Variants in PRR16 observed in about 807,000 individuals in gnomAD.
PRR16 encodes proline rich 16, also known as protein Largen.
A neutral mutation model predicts 18.2 loss-of-function variants in PRR16; 6 were observed. That is an observed-to-expected ratio of 0.33 (90% CI 0.18 to 0.65). The LOEUF is 0.65. Ranked by LOEUF, PRR16 falls within the 30% of genes least tolerant of loss-of-function variation. The pLI, the probability that PRR16 is intolerant of heterozygous loss-of-function variation, is 0.74. For synonymous variants in PRR16, 151 were observed against 147.8 expected (o/e 1.02, Z -0.16); for missense variants, 412 against 376.6 (o/e 1.09, Z -0.78).
chr5:120,629,772 C>A (rs1424648728), intron 1 of PRR16, among the ~76,000 whole-genome samples: 1 of 151,782 alleles, frequency 6.6e-6, no homozygotes, highest in African/African-American at 2.4e-5. Flanking sequence ...TTTACTTTAC[C>A]CTTCATTTTA....
chr5:120,701,179 T>G, the PRR16 span, among the ~76,000 whole-genome samples: 1 of 151,900 alleles, frequency 6.6e-6, no homozygotes, highest in South Asian at 2.1e-4. Flanking sequence ...AATTGCAACT[T>G]TTTTCTATTA....
At chr5:120,682,784 A>G (rs1394781026) in intron 1 of PRR16, among the ~76,000 whole-genome samples, 2 of 152,208 alleles carry the variant, frequency 1.3e-5, no homozygotes, top group Non-Finnish European at 2.9e-5. Flanking sequence ...ATTTTCTTCT[A>G]GAATAACTGA....
chr5:120,753,511 G>C, the PRR16 span, among the ~76,000 whole-genome samples: 3 of 151,748 alleles, frequency 2.0e-5, no homozygotes, highest in African/African-American at 7.2e-5. Flanking sequence ...GAAACTTGAT[G>C]AGTAAAGAAT....
intron 1 of PRR16, among the ~76,000 whole-genome samples, chr5:120,499,381 A>G (rs1580652549): frequency 6.6e-6 from 1 of 152,012 alleles, no homozygotes; most frequent in Non-Finnish European, 1.5e-5. Context: ...CTCCAGTGAC[A>G]TGAATATTAG....
At chr5:120,564,076 C>T (rs557383492) in intron 1 of PRR16, among the ~76,000 whole-genome samples, 3 of 151,900 alleles carry the variant, frequency 2.0e-5, no homozygotes, top group African/African-American at 7.2e-5. Context: ...AGGAGCCCTA[C>T]GACTCTGTTT....
chr5:120,505,144 C>T (rs80356017), intron 1 of PRR16, among the ~76,000 whole-genome samples: 2,371 of 152,218 alleles, frequency 0.016, 22 homozygotes, highest in African/African-American at 0.024. Flanking sequence ...TTTCTTCTCC[C>T]TTTCCAAACA....
At chr5:120,793,675 CAATAAG>C in the PRR16 span, among the ~76,000 whole-genome samples, 4 of 151,950 alleles carry the variant, frequency 2.6e-5, no homozygotes, top group African/African-American at 9.7e-5. Flanking sequence ...AAGAGTAAAA[CAATAAG>C]AAGGGTAAAA....
the PRR16 span, among the ~76,000 whole-genome samples, chr5:120,754,406 C>CTATATAG: frequency 5.2e-5 from 2 of 38,524 alleles, no homozygotes; most frequent in Non-Finnish European, 8.3e-5. Context: ...ATATATTATA[C>CTATATAG]TATATACTAT....
intron 1 of PRR16, among the ~76,000 whole-genome samples, chr5:120,628,693 ACCATCTAT>A (rs1273804223): frequency 2.6e-4 from 34 of 130,696 alleles, no homozygotes; most frequent in South Asian, 1.0e-3. Context: ...CTATCATTCT[ACCATCTAT>A]CTATCTATCT....
chr5:120,554,690 C>A (rs111754476), intron 1 of PRR16, among the ~76,000 whole-genome samples: 2 of 151,836 alleles, frequency 1.3e-5, no homozygotes, highest in African/African-American at 4.8e-5. Flanking sequence ...GTAAGTCTCA[C>A]AACAGCCTAG....
intron 1 of PRR16, among the ~76,000 whole-genome samples, chr5:120,587,118 G>T (rs1389579334): frequency 6.6e-6 from 1 of 152,158 alleles, no homozygotes; most frequent in Non-Finnish European, 1.5e-5. Context: ...CTTCAATTCT[G>T]TGAAGGCTGA....
chr5:120,539,539 A>T (rs1751838269), intron 1 of PRR16, among the ~76,000 whole-genome samples: 1 of 152,118 alleles, frequency 6.6e-6, no homozygotes, highest in Admixed American at 6.5e-5. Context: ...GAGGGTGAAT[A>T]ATGGAAAACA....
At chr5:120,733,391 C>T in the PRR16 span, among the ~76,000 whole-genome samples, 1 of 152,012 alleles carries the variant, frequency 6.6e-6, no homozygotes, top group Non-Finnish European at 1.5e-5. Flanking sequence ...CTCAAGAAAT[C>T]CTCCCACTTT....
At position 120,464,664 on chromosome 5, in the gene PRR16, G is replaced by C. The variant is rs754960179; in HGVS notation, c.159+19G>C. On this transcript the variant is annotated intron_variant, in intron 1 of 1. Transcript: ENST00000407149. ...TAAGGAGGTGAGAGGCGCAGGGGTG[G>C]GGAGGGAGTTCGGCACCCTTCGACC... 6.5e-7 allele frequency: 1 copy of C among 1,540,918 alleles called. No homozygotes were observed. Among genetic ancestry groups the C allele is most frequent in the South Asian group, 1.2e-5 (1 of 83,960 alleles).
rs867891185 is a variant in PRR16, at chr5:120,516,484, G to C, written c.159+51839G>C. 3.4e-3 allele frequency among the ~76,000 whole-genome samples: 463 copies of C among 136,496 alleles called. 4 individuals are homozygous for C. The highest frequency in any genetic ancestry group is 0.012 in the African/African-American group (440 of 37,024). 89.5% of individuals were successfully genotyped at this position (136,496 alleles called of 152,430 possible). A position where few individuals can be genotyped will look rare whatever the true frequency, so the allele number is the denominator to read the frequency against. On this transcript the variant is annotated intron_variant, in intron 1 of 1. Coordinates refer to ENST00000407149, the MANE Select transcript of PRR16 (RefSeq NM_001300783.2). ...GTGATATTATTTCTCAGGAGGGAAG[G>C]ACACACACACACACACACACACACA...
At chr5:120,504,767 A>G (rs1750584809) in intron 1 of PRR16, among the ~76,000 whole-genome samples, 1 of 152,178 alleles carries the variant, frequency 6.6e-6, no homozygotes, top group African/African-American at 2.4e-5. Context: ...AAGGTATGAC[A>G]AAAACTGAGG....
chr5:120,469,854 C>G lies in PRR16; in HGVS notation c.159+5209C>G, dbSNP rs375119059. Among the ~76,000 whole-genome samples the G allele has an allele frequency of 4.6e-5, 7 of 152,278 alleles. No homozygotes were observed. In the East Asian group the frequency reaches 1.4e-3, roughly 29 times the overall value. On this transcript the variant is annotated intron_variant, in intron 1 of 1. Coordinates refer to ENST00000407149, the MANE Select transcript of PRR16 (RefSeq NM_001300783.2). ...AACATAGAGGTAGCCAATAATCATC[C>G]ATCACTGTCTATTTCCAATGAATTA... is the stretch of plus-strand genomic sequence containing the variant.
chr5:120,580,835 T>G (rs2112754347), intron 1 of PRR16, among the ~76,000 whole-genome samples: 1 of 152,310 alleles, frequency 6.6e-6, no homozygotes, highest in East Asian at 1.9e-4. Flanking sequence ...TTTATTGATT[T>G]GCATATGTTG....
chr5:120,695,518 G>A, the PRR16 span, among the ~76,000 whole-genome samples: 1 of 152,048 alleles, frequency 6.6e-6, no homozygotes, highest in Non-Finnish European at 1.5e-5. Context: ...CCTTCTGAAA[G>A]TTGCATTTCC....
Sources: allele counts gnomAD v4.1 joint callset (sites outside exome capture counted in the v4.1 genomes callset), GRCh38; gene constraint gnomAD v4.1.1; transcripts MANE v1.5; gene names NCBI Gene and HGNC (gene_info 2026-07-23, HGNC 2026-07-21).